Variants in STK3 observed in about 807,000 individuals in gnomAD.
STK3 encodes the protein serine/threonine-protein kinase 3.
Under a neutral mutation model 58.0 loss-of-function variants are expected in STK3, and 41 were observed. The observed-to-expected ratio is 0.71, with a 90% confidence interval of 0.55 to 0.92. STK3 has a LOEUF of 0.92. Among genes scored for constraint, STK3 ranks in the 40% least tolerant of loss-of-function variants. The pLI is 0.00. For missense variants in STK3, 479 were observed against 602.7 expected (o/e 0.79, Z 2.15); for synonymous variants, 170 against 191.0 (o/e 0.89, Z 0.91).
chr8:98,737,907 G>C lies in STK3; in HGVS notation c.351+11369C>G, dbSNP rs181148784. On this transcript the variant is annotated intron_variant, in intron 4 of 10. Transcript: ENST00000419617. ...GTATTTTTAGTAGAGACAGAGTTTTGCCGTGTTGGCCAGGCTGGTCTCAAA... is the reference window on the plus strand; with the variant it reads ...GTATTTTTAGTAGAGACAGAGTTTTCCCGTGTTGGCCAGGCTGGTCTCAAA... 9.6e-3 allele frequency among the ~76,000 whole-genome samples: 1,453 copies of C among 152,022 alleles called. 19 individuals are homozygous for C. Among genetic ancestry groups the C allele is most frequent in the African/African-American group, 0.033 (1,359 of 41,482 alleles).
intron 9 of STK3, among the ~76,000 whole-genome samples, chr8:98,546,873 T>C (rs1424097580): frequency 6.6e-6 from 1 of 152,056 alleles, no homozygotes; most frequent in Non-Finnish European, 1.5e-5. Flanking sequence ...ATCCTCTCTA[T>C]CCAAAGTACA....
At chr8:98,477,082 C>A (rs1484645374) in intron 10 of STK3, among the ~76,000 whole-genome samples, 1 of 152,218 alleles carries the variant, frequency 6.6e-6, no homozygotes, top group African/African-American at 2.4e-5. Context: ...CGAGGAAAAT[C>A]TGTACAAACA....
chr8:98,488,681 T>C (rs1294761210), intron 10 of STK3, among the ~76,000 whole-genome samples: 1 of 152,136 alleles, frequency 6.6e-6, no homozygotes, highest in Admixed American at 6.5e-5. Flanking sequence ...GGTAGATACG[T>C]AGCTGCAGGG....
chr8:98,398,671 T>TC (rs1817915918), downstream of STK3, among the ~76,000 whole-genome samples: 1 of 151,852 alleles, frequency 6.6e-6, no homozygotes, highest in Admixed American at 6.6e-5. Context: ...TGCTCCCATC[T>TC]CCCCCGAGGC....
chr8:98,347,159 A>G, the STK3 span, among the ~76,000 whole-genome samples: 1 of 151,894 alleles, frequency 6.6e-6, no homozygotes, highest in East Asian at 1.9e-4. Context: ...GCCACTAAAT[A>G]ACAAAACAAA....
At chr8:98,549,825 G>A (rs905675115) in intron 8 of STK3, among the ~76,000 whole-genome samples, 4 of 152,108 alleles carry the variant, frequency 2.6e-5, no homozygotes, top group African/African-American at 9.7e-5. Flanking sequence ...CCTAGGCAAT[G>A]CAGCAAGACC....
chr8:98,350,191 T>C, the STK3 span, among the ~76,000 whole-genome samples: 1 of 152,116 alleles, frequency 6.6e-6, no homozygotes, highest in Non-Finnish European at 1.5e-5. Flanking sequence ...AAATCATCTC[T>C]CTCAAGTTCA....
rs148620740 is a variant in STK3, at chr8:98,634,190, C to T, written c.685-38021G>A. ...AGGAAACATCAACAGGACCTGGTGACTGATTAAAGGCAGAAGATTGGGCCA... is the reference window on the plus strand; with the variant it reads ...AGGAAACATCAACAGGACCTGGTGATTGATTAAAGGCAGAAGATTGGGCCA... On this transcript the variant is annotated intron_variant, in intron 6 of 10. Transcript: ENST00000419617. Among the ~76,000 whole-genome samples the T allele has an allele frequency of 4.2e-3, 646 of 152,142 alleles. 3 individuals carry two copies. The highest frequency in any genetic ancestry group is 0.015 in the African/African-American group (615 of 41,526).
chr8:98,359,344 TAAA>T, the STK3 span, among the ~76,000 whole-genome samples: 5 of 55,722 alleles, frequency 9.0e-5, no homozygotes, highest in African/African-American at 2.6e-4. Context: ...CCATCTCAAC[TAAA>T]AAAAAAAAAA....
At chr8:98,682,424 A>G (rs1387388819) in intron 6 of STK3, among the ~76,000 whole-genome samples, 1 of 152,206 alleles carries the variant, frequency 6.6e-6, no homozygotes, top group Non-Finnish European at 1.5e-5. Flanking sequence ...GAGATTCACG[A>G]GCATTCCAAT....
At chr8:98,796,105 C>G (rs527788936) in intron 1 of STK3, among the ~76,000 whole-genome samples, 4 of 152,260 alleles carry the variant, frequency 2.6e-5, no homozygotes, top group African/African-American at 9.6e-5. Context: ...TCCTATCAAG[C>G]TACCAACATC....
intron 4 of STK3, among the ~76,000 whole-genome samples, chr8:98,744,396 C>T (rs1829484177): frequency 6.6e-6 from 1 of 151,840 alleles, no homozygotes; most frequent in African/African-American, 2.4e-5. Flanking sequence ...GAATACTATG[C>T]AGCCACAAAA....
At chr8:98,375,287 A>C (rs1389524454) in intron 2 of STK3, among the ~76,000 whole-genome samples, 4 of 151,826 alleles carry the variant, frequency 2.6e-5, no homozygotes, top group African/African-American at 4.8e-5. Flanking sequence ...AAAACAAAAA[A>C]AAAAACCTAT....
chr8:98,863,502 TCACACA>T lies in STK3; in HGVS notation c.110+20139_110+20144del, dbSNP rs200490001. Among the ~76,000 whole-genome samples the T allele has an allele frequency of 7.5e-4, 113 of 151,580 alleles. 2 individuals carry two copies. Among genetic ancestry groups the T allele is most frequent in the African/African-American group, 2.6e-3 (107 of 41,356 alleles). On this transcript the variant is annotated intron_variant, in intron 3 of 12. Coordinates refer to the STK3 transcript ENST00000523601. ...GAGGAATTCATAAACACACACATGC[TCACACA>T]CACACACACCACACAAACTGTTTAG...
chr8:98,692,494 T>C (rs1473643443), intron 6 of STK3, among the ~76,000 whole-genome samples: 1 of 152,194 alleles, frequency 6.6e-6, no homozygotes, highest in Non-Finnish European at 1.5e-5. Flanking sequence ...TGATTCTACT[T>C]ATATGAAATA....
chr8:98,816,672 T>C (rs575620813), intron 1 of STK3, among the ~76,000 whole-genome samples: 5 of 152,100 alleles, frequency 3.3e-5, no homozygotes, highest in Admixed American at 1.3e-4. Flanking sequence ...TAGCTGGGAT[T>C]ACAGGTGCCT....
intron 6 of STK3, among the ~76,000 whole-genome samples, chr8:98,628,633 CAA>C (rs1818922668): frequency 6.6e-6 from 1 of 152,006 alleles, no homozygotes; most frequent in African/African-American, 2.4e-5. Flanking sequence ...CCTATCTCTA[CAA>C]AAGTAAAATT....
At chr8:98,731,390 C>G (rs1367926228) in intron 4 of STK3, among the ~76,000 whole-genome samples, 4 of 151,854 alleles carry the variant, frequency 2.6e-5, no homozygotes, top group Non-Finnish European at 5.9e-5. Flanking sequence ...GCATTTATCC[C>G]CAGATCAAAA....
intron 2 of STK3, among the ~76,000 whole-genome samples, chr8:98,372,397 C>T (rs1185514620): frequency 6.6e-6 from 1 of 152,224 alleles, no homozygotes; most frequent in African/African-American, 2.4e-5. Flanking sequence ...CAGACTCCAA[C>T]AGCCAGGACG....
Sources: gnomAD v4.1 joint callset for allele counts (sites outside exome capture counted in the v4.1 genomes callset) on GRCh38, gnomAD v4.1.1 for gene constraint, MANE v1.5 for transcripts, NCBI Gene and HGNC (gene_info 2026-07-23, HGNC 2026-07-21) for gene names.